The following CXADR variants were observed in gnomAD, a reference collection of about 807,000 sequenced individuals.
CXADR encodes coxsackievirus and adenovirus receptor.
A neutral mutation model predicts 40.3 loss-of-function variants in CXADR; 20 were observed. That is an observed-to-expected ratio of 0.50 (90% confidence interval 0.35 to 0.72). CXADR has a LOEUF of 0.72. Ranked by LOEUF, CXADR falls within the 30% of genes least tolerant of loss-of-function variation. The pLI is 0.01. For missense variants in CXADR, 332 were observed against 449.1 expected (o/e 0.74, Z 2.36); for synonymous variants, 150 against 161.3 (o/e 0.93, Z 0.53).
At chr21:17,525,452 T>C (rs2060587397) in intron 1 of CXADR, among the ~76,000 whole-genome samples, 2 of 152,234 alleles carry the variant, frequency 1.3e-5, no homozygotes, top group Admixed American at 6.5e-5. Context: ...GGACATACAA[T>C]GAACTAAATG....
chr21:17,555,907 A>G (rs943722454), intron 3 of CXADR, among the ~76,000 whole-genome samples: 1 of 152,202 alleles, frequency 6.6e-6, no homozygotes, highest in African/African-American at 2.4e-5. Flanking sequence ...GAAGGATGAC[A>G]TCATGATAAA....
Position 17,569,146 on chromosome 21 carries a change from T to G in CXADR, c.*3454T>G, listed in dbSNP as rs972026322. The G allele has an allele frequency of 7.7e-5, 76 of 985,284 alleles. No individual in the cohort carries two copies. Among genetic ancestry groups the G allele is most frequent in the Non-Finnish European group, 8.9e-5 (74 of 829,934 alleles). The allele number at this position is 985,284 out of a possible 1,614,324, so 61.0% of individuals were successfully genotyped here. A position where few individuals can be genotyped will look rare whatever the true frequency, so the allele number is the denominator to read the frequency against. ...TTCTTAAAAATATTCTCAGTGTCTT[T>G]TGTGTGCGTGCAGCATGTACATTTG... On this transcript the variant is annotated 3_prime_UTR_variant, in exon 7 of 7. Transcript: ENST00000284878.
chr21:17,543,429 T>C (rs1209872576), intron 1 of CXADR, among the ~76,000 whole-genome samples: 1 of 152,206 alleles, frequency 6.6e-6, no homozygotes, highest in Non-Finnish European at 1.5e-5. Flanking sequence ...AGGTGTCTAA[T>C]TGAAGTTATT....
intron 1 of CXADR, among the ~76,000 whole-genome samples, chr21:17,523,533 T>G (rs1469204713): frequency 3.3e-5 from 5 of 151,882 alleles, no homozygotes; most frequent in Non-Finnish European, 7.4e-5. Flanking sequence ...ATTTCCACCT[T>G]TCATCTGTCA....
At chr21:17,600,947 A>C in the CXADR span, among the ~76,000 whole-genome samples, 1 of 152,176 alleles carries the variant, frequency 6.6e-6, no homozygotes, top group African/African-American at 2.4e-5. Flanking sequence ...GTGGATCATG[A>C]GGTCAGGCGT....
At chr21:17,533,980 TC>T (rs1282357195) in intron 1 of CXADR, among the ~76,000 whole-genome samples, 1 of 130,566 alleles carries the variant, frequency 7.7e-6, no homozygotes, top group Non-Finnish European at 1.7e-5. Flanking sequence ...AATTTCTACT[TC>T]CCTGTATTTT....
chr21:17,528,538 T>G (rs1400626010), intron 1 of CXADR, among the ~76,000 whole-genome samples: 1 of 151,998 alleles, frequency 6.6e-6, no homozygotes, highest in Non-Finnish European at 1.5e-5. Flanking sequence ...CCCGAGTAGC[T>G]GGGACTACAG....
At chr21:17,547,801 A>G (rs548393744) in intron 2 of CXADR, among the ~76,000 whole-genome samples, 19 of 152,272 alleles carry the variant, frequency 1.2e-4, no homozygotes, top group African/African-American at 4.3e-4. Context: ...CAGTGTAAAA[A>G]TGAAGTCTTT....
chr21:17,594,351 ATTAAG>A (rs766724664), downstream of CXADR: 7 of 1,598,760 alleles, frequency 4.4e-6, no homozygotes, highest in Admixed American at 1.8e-5. Context: ...AAGAGAACAC[ATTAAG>A]TTAATTCAAA....
chr21:17,605,155 G>A, the CXADR span: 1 of 814,382 alleles, frequency 1.2e-6, no homozygotes, highest in Non-Finnish European at 1.8e-6. Context: ...GATAATAAAT[G>A]TGAACTACAG....
the CXADR span, chr21:17,612,593 C>G: frequency 5.9e-5 from 9 of 152,426 alleles, no homozygotes; most frequent in African/African-American, 2.2e-4. Context: ...CCCCGGTGCG[C>G]CGCCCGCCAG....
chr21:17,627,508 C>T, the CXADR span, among the ~76,000 whole-genome samples: 2 of 151,766 alleles, frequency 1.3e-5, no homozygotes, highest in Admixed American at 1.3e-4. Context: ...TGTGGCACCT[C>T]ATGCACCTGA....
intron 1 of CXADR, among the ~76,000 whole-genome samples, chr21:17,536,156 A>G (rs1045899232): frequency 6.6e-6 from 1 of 152,232 alleles, no homozygotes; most frequent in African/African-American, 2.4e-5. Flanking sequence ...CTGAAAGATA[A>G]CAGCTCTTTT....
the CXADR span, among the ~76,000 whole-genome samples, chr21:17,618,118 T>C: frequency 6.6e-6 from 1 of 152,154 alleles, no homozygotes; most frequent in Admixed American, 6.5e-5. Context: ...TTGGGAGGGA[T>C]TGCTTGAGTC....
chr21:17,633,974 C>T, the CXADR span, among the ~76,000 whole-genome samples: 2 of 152,134 alleles, frequency 1.3e-5, no homozygotes, highest in African/African-American at 4.8e-5. Context: ...TTTATAGATT[C>T]GAATTCTCAA....
chr21:17,590,850 T>C (rs2061429896), intron 7 of CXADR, among the ~76,000 whole-genome samples: 1 of 152,074 alleles, frequency 6.6e-6, no homozygotes, highest in Admixed American at 6.6e-5. Flanking sequence ...GTCATCTCAG[T>C]CTTCACTCTA....
At chr21:17,519,992 C>T (rs1011232034) in intron 1 of CXADR, among the ~76,000 whole-genome samples, 8 of 151,730 alleles carry the variant, frequency 5.3e-5, no homozygotes, top group Admixed American at 3.3e-4. Context: ...CACACACACA[C>T]GCACGCACAT....
chr21:17,563,902 C>T (rs572495153), intron 6 of CXADR, among the ~76,000 whole-genome samples: 2 of 113,288 alleles, frequency 1.8e-5, no homozygotes, highest in Non-Finnish European at 3.6e-5. Flanking sequence ...GATCACGCCA[C>T]TGCACTCCAG....
chr21:17,565,359 A>G (rs954620061), intron 6 of CXADR, 69 bp from the exon 7 acceptor site: 1 of 1,513,232 alleles, frequency 6.6e-7, no homozygotes, highest in South Asian at 1.2e-5. Context: ...TCCATGATTC[A>G]TAGCTTGCAT....
Sources: allele counts gnomAD v4.1 joint callset (sites outside exome capture counted in the v4.1 genomes callset), GRCh38; gene constraint gnomAD v4.1.1; transcripts MANE v1.5; gene names NCBI Gene and HGNC (gene_info 2026-07-23, HGNC 2026-07-21).